CUZD1: variants seen among roughly 807,000 people sequenced by gnomAD.
CUZD1 encodes the protein CUB and zona pellucida like domains 1.
In CUZD1, 42 loss-of-function variants were observed where a neutral mutation model predicts 53.1. That is an observed-to-expected ratio of 0.79 (90% CI 0.62 to 1.02). The LOEUF is 1.02. Ranked by LOEUF, CUZD1 falls within the 50% of genes least tolerant of loss-of-function variation. CUZD1 has a pLI of 0.00. For synonymous variants in CUZD1, 238 were observed against 257.2 expected (o/e 0.93, Z 0.71); for missense variants, 670 against 715.7 (o/e 0.94, Z 0.73).
At chr10:122,838,977 G>A (rs1211093113) in intron 3 of CUZD1, 40 bp downstream of exon 3, 5 of 1,460,700 alleles carry the variant, frequency 3.4e-6, no homozygotes, top group African/African-American at 1.4e-5. Context: ...ACCTGTGCTT[G>A]TAGGAGATGT....
chr10:122,836,184 G>C lies in CUZD1; in HGVS notation c.984C>G (p.Ile328Met). 1 of 1,600,338 alleles carries C rather than the reference G, an allele frequency of 6.2e-7. No individual in the cohort carries two copies. Among genetic ancestry groups the C allele is most frequent in the Non-Finnish European group, 8.5e-7 (1 of 1,175,884 alleles). ...TATCAGTATTTCACTTTACCTTTCTGATTGTACCACATCCATTAAGAGGGA... is the reference window on the plus strand; with the variant it reads ...TATCAGTATTTCACTTTACCTTTCTCATTGTACCACATCCATTAAGAGGGA... ...FSVPLNGCGT[I>M]RKVEDQSITY... Residue 328 changes from isoleucine (I) to methionine (M), a missense_variant, in exon 6 of 9, where the codon ATC (isoleucine) becomes ATG (methionine). By Grantham distance (10) the Ile-to-Met change is conservative. Coordinates refer to ENST00000392790, the MANE Select transcript of CUZD1 (RefSeq NM_022034.6).
Position 122,836,543 on chromosome 10 carries a change from TA to T in CUZD1, c.818-194del, listed in dbSNP as rs1278576618. On this transcript the variant is annotated intron_variant, in intron 5 of 8. Coordinates refer to ENST00000392790, the MANE Select transcript of CUZD1 (RefSeq NM_022034.6). ...TGTTCATTGTGACCTTGTTTAGAGC[TA>T]GAATCTGCAAACCTGATGTTTTTAA... 4.6e-5 allele frequency among the ~76,000 whole-genome samples: 7 copies of T among 152,244 alleles called. No homozygotes were observed. The East Asian group carries it at 1.3e-3, about 29-fold the overall frequency.
At chr10:122,845,681 C>A in intron 1 of CUZD1, 81 bp downstream of exon 1, 1 of 1,209,286 alleles carries the variant, frequency 8.3e-7, no homozygotes. Flanking sequence ...CAGATATAAA[C>A]ACTTTGAAAA....
chr10:122,837,574 G>A lies in CUZD1; in HGVS notation c.449-20C>T. 1 of 1,534,284 alleles carries A rather than the reference G, an allele frequency of 6.5e-7. No individual in the cohort carries two copies. The highest frequency in any genetic ancestry group is 8.7e-7 in the Non-Finnish European group (1 of 1,146,114). ...GAATAGCTGAAATGGATGTGAAGGT[G>A]GTCAAGAATGAACATCAAAATAGAG... is the stretch of plus-strand genomic sequence containing the variant. On this transcript the variant is annotated intron_variant, in intron 3 of 8. Coordinates refer to ENST00000392790, the MANE Select transcript of CUZD1 (RefSeq NM_022034.6).
intron 3 of CUZD1, chr10:122,838,004 C>G: frequency 1.3e-5 from 2 of 154,686 alleles, no homozygotes; most frequent in South Asian, 2.0e-4. Flanking sequence ...TTCCCTGACT[C>G]CCACCTCCAC....
At chr10:122,844,043 G>GA (rs199557371) in intron 1 of CUZD1, among the ~76,000 whole-genome samples, 69 of 149,626 alleles carry the variant, frequency 4.6e-4, no homozygotes, top group African/African-American at 1.5e-3. Context: ...TATAGAGAGA[G>GA]GGACAGACAG....
intron 3 of CUZD1, among the ~76,000 whole-genome samples, 179 bp downstream of exon 3, chr10:122,838,838 T>C (rs921615439): frequency 1.3e-5 from 2 of 152,192 alleles, no homozygotes; most frequent in Non-Finnish European, 2.9e-5. Context: ...GGATCTGTGA[T>C]TTAACAAGCT....
At chr10:122,845,581 G>A (rs532623798) in intron 1 of CUZD1, among the ~76,000 whole-genome samples, 181 bp downstream of exon 1, 1 of 152,058 alleles carries the variant, frequency 6.6e-6, no homozygotes, top group East Asian at 1.9e-4. Context: ...TATTTTTATG[G>A]ACATTGTCAG....
At position 122,836,358 on chromosome 10, in the gene CUZD1, G is replaced by GA. The variant is rs11365591; in HGVS notation, c.818-9dup. The GA allele has an allele frequency of 1.2e-3, 1,393 of 1,201,832 alleles. No homozygotes were observed. The highest frequency in any genetic ancestry group is 2.7e-3 in the South Asian group (135 of 50,852). The allele number at this position is 1,201,832 out of a possible 1,614,324, so 74.4% of individuals were successfully genotyped here. A position where few individuals can be genotyped will look rare whatever the true frequency, so the allele number is the denominator to read the frequency against. On this transcript the variant is annotated splice_polypyrimidine_tract_variant and intron_variant, in intron 5 of 8. Transcript: ENST00000392790. ...AAGAGCAAGTTAAAGATGCTGTCAG[G>GA]AAAAAAAAAAAAAAAAGAATGGTCA...
chr10:122,839,289 A>G, intron 2 of CUZD1, 58 bp from the exon 3 acceptor site: 1 of 1,465,628 alleles, frequency 6.8e-7, no homozygotes, highest in Non-Finnish European at 9.5e-7. Flanking sequence ...GGGTTTGCAG[A>G]GCAGTCAATT....
At chr10:122,840,882 T>G (rs1847330252) in intron 2 of CUZD1, among the ~76,000 whole-genome samples, 1 of 152,198 alleles carries the variant, frequency 6.6e-6, no homozygotes, top group Admixed American at 6.5e-5. Flanking sequence ...AGCTAGGTTC[T>G]AACTCTGGTC....
intron 2 of CUZD1, among the ~76,000 whole-genome samples, 160 bp from the exon 3 acceptor site, chr10:122,839,391 C>T (rs1847301628): frequency 6.6e-6 from 1 of 152,212 alleles, no homozygotes; most frequent in Admixed American, 6.5e-5. Flanking sequence ...CCATCCTCAA[C>T]ATCAAACCAC....
chr10:122,841,948 CT>C (rs911006587), intron 1 of CUZD1, among the ~76,000 whole-genome samples: 24 of 147,458 alleles, frequency 1.6e-4, no homozygotes, highest in African/African-American at 1.5e-4. Context: ...GTCTTTTGCC[CT>C]TTTTTTTTTA....
chr10:122,838,978 TAGG>T (rs767689270), intron 3 of CUZD1, 36 bp downstream of exon 3: 9 of 1,461,720 alleles, frequency 6.2e-6, no homozygotes, highest in Non-Finnish European at 8.6e-6. Flanking sequence ...CCTGTGCTTG[TAGG>T]AGATGTGGGT....
At chr10:122,836,389 A>G in intron 5 of CUZD1, 39 bp from the exon 6 acceptor site, 1 of 1,491,054 alleles carries the variant, frequency 6.7e-7, no homozygotes. Flanking sequence ...GGTCATGTTT[A>G]TGCCAGCTAG....
intron 7 of CUZD1, among the ~76,000 whole-genome samples, 155 bp from the exon 8 acceptor site, chr10:122,834,095 A>C (rs567251729): frequency 6.6e-6 from 1 of 152,330 alleles, no homozygotes; most frequent in Non-Finnish European, 1.5e-5. Flanking sequence ...TATAGACCTG[A>C]TTCCTGGGTG....
chr10:122,837,646 C>A, intron 3 of CUZD1, 92 bp from the exon 4 acceptor site: 1 of 1,217,144 alleles, frequency 8.2e-7, no homozygotes, highest in South Asian at 1.6e-5. Flanking sequence ...CACATCTCTC[C>A]TGAGTATGAT....
In CUZD1 at chr10:122,832,216, C is replaced by T. The variant is rs187639528; in HGVS notation, c.*62G>A. On this transcript the variant is annotated 3_prime_UTR_variant, in exon 9 of 9. Transcript: ENST00000392790. ...CATTTATTCATAATATGTGTAGCCACGAGGTAGCATTTCCTTTGGCATCCT... is the reference window on the plus strand; with the variant it reads ...CATTTATTCATAATATGTGTAGCCATGAGGTAGCATTTCCTTTGGCATCCT... 85 of 1,542,824 alleles carry T rather than the reference C, an allele frequency of 5.5e-5. No individual in the cohort carries two copies. The highest frequency in any genetic ancestry group is 8.5e-5 in the Admixed American group (5 of 58,832).
At position 122,841,184 on chromosome 10, in the gene CUZD1, T is replaced by C. The variant is rs1847339422; in HGVS notation, c.227A>G (p.Tyr76Cys). Residue 76 changes from tyrosine (Y) to cysteine (C), a missense_variant, in exon 2 of 9, where the codon TAT becomes TGT. Tyr to Cys is a radical substitution (Grantham distance 194). Coordinates refer to ENST00000392790, the MANE Select transcript of CUZD1 (RefSeq NM_022034.6). ...AACTAAAGCTTCTACTTACTGGACA[T>C]AGGAAAAGATAATTCTGATGCTTTT... is the stretch of plus-strand genomic sequence containing the variant. ...ENKSIRIIFSYVQLDPDGSCE... is the reference protein window; with the variant it reads ...ENKSIRIIFSCVQLDPDGSCE... 6.2e-7 allele frequency: 1 copy of C among 1,612,824 alleles called. No individual in the cohort carries two copies. Among genetic ancestry groups the C allele is most frequent in the Non-Finnish European group, 8.5e-7 (1 of 1,179,366 alleles).
Sources: allele counts gnomAD v4.1 joint callset (sites outside exome capture counted in the v4.1 genomes callset), GRCh38; gene constraint gnomAD v4.1.1; transcripts MANE v1.5; gene names NCBI Gene and HGNC (gene_info 2026-07-23, HGNC 2026-07-21).